The following GRB10 variants were observed in gnomAD, a reference collection of about 807,000 sequenced individuals.
GRB10 encodes growth factor receptor bound protein 10.
A neutral mutation model predicts 80.9 loss-of-function variants in GRB10; 20 were observed. The ratio of observed to expected loss-of-function variants is 0.25; its 90% confidence interval spans 0.17 to 0.36. The LOEUF is 0.36. GRB10 is among the 10% of genes least tolerant of loss of function. The pLI is 1.00. For synonymous variants in GRB10, 291 were observed against 291.5 expected (o/e 1.00, Z 0.02); for missense variants, 548 against 747.7 (o/e 0.73, Z 3.12).
intron 4 of GRB10, among the ~76,000 whole-genome samples, chr7:50,712,380 G>A (rs1462553602): frequency 6.6e-6 from 1 of 152,170 alleles, no homozygotes; most frequent in Admixed American, 6.5e-5. Context: ...GCCTGAGATG[G>A]GGGAAAAAGA....
intron 6 of GRB10, among the ~76,000 whole-genome samples, chr7:50,673,246 G>A (rs2060545148): frequency 1.3e-5 from 2 of 152,320 alleles, no homozygotes; most frequent in Middle Eastern, 3.4e-3. Context: ...TCCCAGCAGA[G>A]ATGGCTGTAC....
chr7:50,608,360 C>T (rs907178340), intron 13 of GRB10, among the ~76,000 whole-genome samples: 1 of 152,180 alleles, frequency 6.6e-6, no homozygotes, highest in Non-Finnish European at 1.5e-5. Context: ...ATCCTATAAC[C>T]AGTGAAACGT....
At chr7:50,651,421 G>C (rs966819092) in intron 7 of GRB10, among the ~76,000 whole-genome samples, 1 of 152,104 alleles carries the variant, frequency 6.6e-6, no homozygotes, top group Non-Finnish European at 1.5e-5. Flanking sequence ...TCTTTATGTG[G>C]CATTCTCGTC....
At chr7:50,730,792 G>A (rs930725500) in intron 4 of GRB10, among the ~76,000 whole-genome samples, 2 of 152,204 alleles carry the variant, frequency 1.3e-5, no homozygotes, top group African/African-American at 4.8e-5. Flanking sequence ...AGGAAGGGAA[G>A]GGAAGCTGAC....
chr7:50,763,515 A>T (rs1165326766), intron 2 of GRB10, among the ~76,000 whole-genome samples: 1 of 152,186 alleles, frequency 6.6e-6, no homozygotes, highest in Non-Finnish European at 1.5e-5. Flanking sequence ...GGAATAGCTT[A>T]TCCTACAGAA....
intron 13 of GRB10, among the ~76,000 whole-genome samples, chr7:50,607,355 A>T (rs1020881262): frequency 2.0e-5 from 3 of 152,182 alleles, no homozygotes; most frequent in African/African-American, 4.8e-5. Flanking sequence ...AATATATATA[A>T]AAAAATCTCT....
intron 4 of GRB10, among the ~76,000 whole-genome samples, chr7:50,704,160 T>C (rs779635602): frequency 1.3e-5 from 2 of 151,168 alleles, no homozygotes; most frequent in Non-Finnish European, 2.9e-5. Flanking sequence ...TAGCTTTCCC[T>C]GAATAGCAAT....
intron 5 of GRB10, among the ~76,000 whole-genome samples, chr7:50,699,468 A>G (rs542242115): frequency 1.3e-5 from 2 of 152,248 alleles, no homozygotes; most frequent in Non-Finnish European, 2.9e-5. Flanking sequence ...GTTATGTATT[A>G]TAATGAGTGA....
chr7:50,760,051 G>C (rs1451364064), intron 2 of GRB10, among the ~76,000 whole-genome samples: 9 of 152,222 alleles, frequency 5.9e-5, no homozygotes, highest in Non-Finnish European at 1.3e-4. Flanking sequence ...GGAGCCACCA[G>C]CCGAGCAAGC....
At chr7:50,786,709 A>G (rs962721677), upstream of GRB10, among the ~76,000 whole-genome samples, 1 of 152,260 alleles carries the variant, frequency 6.6e-6, no homozygotes, top group African/African-American at 2.4e-5. Context: ...AAAAGTTGAC[A>G]TCTTGTGCAC....
chr7:50,606,689 AAC>A, intron 13 of GRB10: 1 of 473,300 alleles, frequency 2.1e-6, no homozygotes, highest in Non-Finnish European at 3.9e-6. Context: ...TGATAACATA[AAC>A]AGTTAATTAA....
rs539804690 is a variant in GRB10 at position 50,742,519 on chromosome 7, C to T, written c.-46-10151G>A. 5.9e-5 allele frequency among the ~76,000 whole-genome samples: 9 copies of T among 152,314 alleles called. 1 individual carries two copies. The highest frequency in any genetic ancestry group is 2.2e-4 in the African/African-American group (9 of 41,562). On this transcript the variant is annotated intron_variant, in intron 3 of 18. Transcript: ENST00000401949. ...CATCACCCGGGTGCTTGTTAACACA[C>T]AAATTCTGGAGCCCAGACCCTGACC...
chr7:50,621,650 A>T (rs2051770708), intron 8 of GRB10, among the ~76,000 whole-genome samples: 1 of 152,206 alleles, frequency 6.6e-6, no homozygotes, highest in South Asian at 2.1e-4. Flanking sequence ...ATTTAAAGAT[A>T]TGTATTTTCA....
intron 17 of GRB10, among the ~76,000 whole-genome samples, chr7:50,596,122 G>T (rs78027553): frequency 0.15 from 22,856 of 152,170 alleles, 2,009 homozygotes; most frequent in Non-Finnish European, 0.2. Context: ...AACGAAGGAG[G>T]GGGGATCTTC....
chr7:50,641,077 G>A (rs909388279), intron 7 of GRB10, among the ~76,000 whole-genome samples: 9 of 151,582 alleles, frequency 5.9e-5, no homozygotes, highest in Non-Finnish European at 7.4e-5. Flanking sequence ...GCCTACCACC[G>A]TTGCTGGGAA....
chr7:50,604,252 G>A (rs2048119342), intron 16 of GRB10, 59 bp downstream of exon 16: 15 of 1,424,968 alleles, frequency 1.1e-5, no homozygotes, highest in African/African-American at 2.8e-5. Flanking sequence ...GGGGAGTGGA[G>A]GGGGGTGCTG....
intron 3 of GRB10, among the ~76,000 whole-genome samples, chr7:50,736,294 A>G (rs1251223038): frequency 6.6e-6 from 1 of 152,330 alleles, no homozygotes; most frequent in East Asian, 1.9e-4. Flanking sequence ...TCAAAAAAAC[A>G]AAAGAAAACA....
intron 3 of GRB10, among the ~76,000 whole-genome samples, chr7:50,745,877 T>C (rs2072801888): frequency 6.6e-6 from 1 of 152,204 alleles, no homozygotes; most frequent in Non-Finnish European, 1.5e-5. Context: ...TAATCACACT[T>C]TCTAGATGCT....
At chr7:50,616,418 A>C in intron 10 of GRB10, 71 bp from the exon 11 acceptor site, 1 of 1,383,674 alleles carries the variant, frequency 7.2e-7, no homozygotes, top group Non-Finnish European at 1.0e-6. Flanking sequence ...TGTTATCAGC[A>C]TAGCTGACAT....
Sources: allele counts gnomAD v4.1 joint callset (sites outside exome capture counted in the v4.1 genomes callset), GRCh38; gene constraint gnomAD v4.1.1; transcripts MANE v1.5; gene names NCBI Gene and HGNC (gene_info 2026-07-23, HGNC 2026-07-21).